Variants in DSE observed in about 807,000 individuals in gnomAD.
DSE encodes dermatan sulfate epimerase, also known as dermatan-sulfate epimerase.
DSE carries 36 observed loss-of-function variants against 84.4 expected under a neutral mutation model. That is an observed-to-expected ratio of 0.43 (90% CI 0.33 to 0.56). The LOEUF (loss-of-function observed/expected upper bound fraction) is 0.56, where lower values mean the gene tolerates loss of function less well. Ranked by LOEUF, DSE falls within the 20% of genes least tolerant of loss-of-function variation. DSE has a pLI of 0.06. For missense variants in DSE, 862 were observed against 1,169.6 expected (o/e 0.74, Z 3.84); for synonymous variants, 410 against 430.1 (o/e 0.95, Z 0.58).
intron 2 of DSE, among the ~76,000 whole-genome samples, chr6:116,421,136 C>G (rs887289293): frequency 2.6e-5 from 4 of 152,110 alleles, no homozygotes; most frequent in Admixed American, 6.5e-5. Flanking sequence ...TCCACCCTTA[C>G]ACTCAGAAAA....
chr6:116,360,483 C>A (rs1778828699), intron 2 of DSE, among the ~76,000 whole-genome samples: 1 of 151,978 alleles, frequency 6.6e-6, no homozygotes. Flanking sequence ...GGAAAATATT[C>A]AAAAGCTAGT....
chr6:116,437,174 G>A lies in DSE; in HGVS notation c.2706G>A (p.Arg902=). Residue 902 remains arginine, a synonymous_variant, in exon 6 of 6, where the codon AGG becomes AGA. Transcript: ENST00000644252. The part of the protein sequence containing the change: ...RAPSLSASYT[R]LFLILNIAIF... ...CATCACTGTCTGCTTCCTATACCAGGTTGTTCCTGATTCTGAACATTGCTA... is the reference window on the plus strand; with the variant it reads ...CATCACTGTCTGCTTCCTATACCAGATTGTTCCTGATTCTGAACATTGCTA... 3 of 1,614,148 alleles carry A rather than the reference G, an allele frequency of 1.9e-6. No homozygotes were observed. Among genetic ancestry groups the A allele is most frequent in the Non-Finnish European group, 2.5e-6 (3 of 1,180,014 alleles).
chr6:116,353,435 A>G (rs1001383546), intron 2 of DSE, among the ~76,000 whole-genome samples: 2 of 152,204 alleles, frequency 1.3e-5, no homozygotes, highest in South Asian at 4.1e-4. Flanking sequence ...ATCTTTCTTC[A>G]TGAGTGCCTT....
chr6:116,259,984 T>C (rs868218278), intron 2 of DSE, among the ~76,000 whole-genome samples: 44 of 152,220 alleles, frequency 2.9e-4, no homozygotes, highest in African/African-American at 1.1e-3. Flanking sequence ...GAATGACTTA[T>C]ATTCCTTTGG....
chr6:116,407,442 A>C (rs1782007617), intron 2 of DSE, among the ~76,000 whole-genome samples: 1 of 152,240 alleles, frequency 6.6e-6, no homozygotes, highest in Admixed American at 6.5e-5. Context: ...CTGTATGGAC[A>C]GATGACTTTC....
chr6:116,279,550 A>G (rs1269021780), intron 2 of DSE: 1 of 1,603,986 alleles, frequency 6.2e-7, no homozygotes, highest in Non-Finnish European at 8.5e-7. Flanking sequence ...CCCGGCTTTG[A>G]TCGCCACATG....
chr6:116,382,800 A>G (rs1244701864), intron 1 of DSE, among the ~76,000 whole-genome samples: 4 of 152,136 alleles, frequency 2.6e-5, no homozygotes, highest in African/African-American at 9.7e-5. Flanking sequence ...CCCTACCCCC[A>G]GGCTTATGGT....
intron 2 of DSE, among the ~76,000 whole-genome samples, chr6:116,290,833 G>A (rs1157196672): frequency 2.0e-5 from 3 of 152,100 alleles, no homozygotes; most frequent in Non-Finnish European, 4.4e-5. Context: ...TCTCCCAAAG[G>A]GAGAAACTTT....
Position 116,344,486 on chromosome 6 carries a change from T to C in DSE, c.-53-54712T>C, listed in dbSNP as rs536295939. Among the ~76,000 whole-genome samples the C allele has an allele frequency of 2.8e-3, 428 of 152,270 alleles. 1 individual carries two copies. The highest frequency in any genetic ancestry group is 4.1e-3 in the Non-Finnish European group (276 of 68,024). ...GACAGTGGGGGCCAATATTCAACATTCTTAAAGAAAAGAATTTTCAACCCA... is the reference window on the plus strand; with the variant it reads ...GACAGTGGGGGCCAATATTCAACATCCTTAAAGAAAAGAATTTTCAACCCA... On this transcript the variant is annotated intron_variant, in intron 2 of 3. Transcript: ENST00000430252.
intron 2 of DSE, among the ~76,000 whole-genome samples, chr6:116,360,628 T>C (rs1055040235): frequency 6.5e-4 from 99 of 152,222 alleles, no homozygotes; most frequent in African/African-American, 2.3e-3. Flanking sequence ...AATATGTACA[T>C]AAATTTGGAA....
rs536761465 is a variant in DSE, at chr6:116,327,129, G to GA, written c.-54+68168dup. 3.0e-4 allele frequency among the ~76,000 whole-genome samples: 46 copies of GA among 152,260 alleles called. No homozygotes were observed. In the East Asian group the frequency reaches 7.5e-3, roughly 25 times the overall value. On this transcript the variant is annotated intron_variant, in intron 2 of 3. Transcript: ENST00000430252. ...CTTAACAGTGCATACAGTAAAGAGA[G>GA]AAAAAACAGGAAAAAGTCGAGGATT...
intron 2 of DSE, among the ~76,000 whole-genome samples, chr6:116,260,432 T>G (rs1289841081): frequency 6.6e-6 from 1 of 152,226 alleles, no homozygotes; most frequent in Non-Finnish European, 1.5e-5. Flanking sequence ...TTCTGTAGAT[T>G]GTCCTTTCAC....
chr6:116,269,959 A>G (rs917910138), intron 2 of DSE, among the ~76,000 whole-genome samples: 3 of 151,332 alleles, frequency 2.0e-5, no homozygotes, highest in Non-Finnish European at 2.9e-5. Context: ...TTAAACATCT[A>G]CCATGCTAAG....
At chr6:116,399,079 T>A in intron 1 of DSE, 119 bp from the exon 2 acceptor site, 1 of 865,174 alleles carries the variant, frequency 1.2e-6, no homozygotes, top group Non-Finnish European at 1.7e-6. Context: ...GTTGTATTTT[T>A]AAAAATCTAA....
At chr6:116,290,335 C>T (rs1774203170) in intron 2 of DSE, among the ~76,000 whole-genome samples, 1 of 152,062 alleles carries the variant, frequency 6.6e-6, no homozygotes, top group Non-Finnish European at 1.5e-5. Flanking sequence ...TGAATGATTC[C>T]ACACTGATGG....
intron 2 of DSE, among the ~76,000 whole-genome samples, chr6:116,313,025 A>G (rs1160590539): frequency 6.6e-6 from 1 of 152,192 alleles, no homozygotes; most frequent in Non-Finnish European, 1.5e-5. Context: ...TGCAGATATA[A>G]TTACTTAAGA....
At chr6:116,344,403 G>A (rs535107874) in intron 2 of DSE, among the ~76,000 whole-genome samples, 43 of 152,274 alleles carry the variant, frequency 2.8e-4, no homozygotes, top group African/African-American at 8.9e-4. Context: ...GGTTACCTAC[G>A]AAGAGAAGCC....
intron 2 of DSE, among the ~76,000 whole-genome samples, chr6:116,317,551 A>G (rs975882296): frequency 5.9e-5 from 9 of 152,262 alleles, no homozygotes; most frequent in African/African-American, 9.6e-5. Context: ...TTAAAAACAT[A>G]AAATCCATGC....
At chr6:116,371,238 TC>T in intron 1 of DSE, 117 bp downstream of exon 1, 1 of 978,322 alleles carries the variant, frequency 1.0e-6, no homozygotes, top group Middle Eastern at 5.3e-4. Context: ...GAGAGCCACG[TC>T]CCCGGCTGAG....
Sources: allele counts gnomAD v4.1 joint callset (sites outside exome capture counted in the v4.1 genomes callset), GRCh38; gene constraint gnomAD v4.1.1; transcripts MANE v1.5; gene names NCBI Gene and HGNC (gene_info 2026-07-23, HGNC 2026-07-21).